The following CDC25C variants were observed in gnomAD, a reference collection of about 807,000 sequenced individuals.
The protein encoded by CDC25C is M-phase inducer phosphatase 3.
In CDC25C, 48 loss-of-function variants were observed where a neutral mutation model predicts 52.5. The observed-to-expected ratio is 0.91, with a 90% CI of 0.72 to 1.16. The LOEUF (loss-of-function observed/expected upper bound fraction) is 1.16. Ranked by LOEUF, CDC25C falls within the 50% of genes most tolerant of loss-of-function variation. The probability of loss-of-function intolerance (pLI) is 0.00; values close to 1 mark genes in which losing one functional copy is unlikely to be tolerated. For missense variants in CDC25C, 510 were observed against 566.1 expected, an observed-to-expected ratio of 0.90 and a Z score of 1.01; for synonymous variants, 187 against 206.5, an observed-to-expected ratio of 0.91 and a Z score of 0.81.
Position 138,314,925 on chromosome 5 carries a change from C to CT in CDC25C, c.615+4293dup, listed in dbSNP as rs35443317. ...CCTGACTCACCATGCCCAGCCAGCA[C>CT]TTTTTTTTTTTTTTTTTTTTGAGTT... On this transcript the variant is annotated intron_variant, in intron 7 of 13. Transcript: ENST00000323760. Among the ~76,000 whole-genome samples the CT allele has an allele frequency of 9.2e-3, 837 of 90,812 alleles. 22 individuals are homozygous for CT. The highest frequency in any genetic ancestry group is 0.028 in the African/African-American group (662 of 23,648). 59.6% of individuals were successfully genotyped at this position (90,812 alleles called of 152,430 possible). A position where few individuals can be genotyped will look rare whatever the true frequency, so the allele number is the denominator to read the frequency against.
intron 11 of CDC25C, 147 bp downstream of exon 11, chr5:138,287,022 A>C (rs1255620915): frequency 1.7e-6 from 1 of 584,960 alleles, no homozygotes; most frequent in Non-Finnish European, 3.0e-6. Flanking sequence ...TACAGAATTA[A>C]AACAATGAGG....
At chr5:138,327,246 T>C (rs1414388484) in intron 4 of CDC25C, among the ~76,000 whole-genome samples, 1 of 145,476 alleles carries the variant, frequency 6.9e-6, no homozygotes, top group Non-Finnish European at 1.5e-5. Flanking sequence ...AGAGCGAGAC[T>C]CCATCTCAAA....
At position 138,331,043 on chromosome 5, in the gene CDC25C, A is replaced by G; in HGVS notation, c.138T>C (p.Pro46=). The stretch of plus-strand genomic sequence containing the variant: ...CAAGAAATTTGCCCACTGGAGTTCT[A>G]GGGACATCTGGACAGACGGTAAAGG... ...DTSFTVCPDV[P]RTPVGKFLGD... is the part of the protein sequence containing the mutation. The change falls in exon 2 of 14, where the codon CCT becomes CCC. Residue 46 remains proline, a synonymous_variant. Coordinates refer to ENST00000323760, the MANE Select transcript of CDC25C (RefSeq NM_001790.5). 3.7e-6 allele frequency: 6 copies of G among 1,614,184 alleles called. No individual in the cohort carries two copies. The highest frequency in any genetic ancestry group is 5.1e-6 in the Non-Finnish European group (6 of 1,179,998).
intron 7 of CDC25C, among the ~76,000 whole-genome samples, chr5:138,303,863 A>G (rs1235511864): frequency 6.6e-6 from 1 of 152,166 alleles, no homozygotes; most frequent in Non-Finnish European, 1.5e-5. Flanking sequence ...ATTAGTGAAT[A>G]AATGAATGAA....
intron 1 of CDC25C, chr5:138,337,916 C>T (rs1256105866): frequency 3.9e-6 from 5 of 1,268,808 alleles, no homozygotes; most frequent in Non-Finnish European, 5.1e-6. Flanking sequence ...GCAGTTGGGC[C>T]GTTGGAGGGA....
chr5:138,307,019 T>C (rs1758058481), intron 7 of CDC25C, among the ~76,000 whole-genome samples: 1 of 150,262 alleles, frequency 6.7e-6, no homozygotes, highest in African/African-American at 2.5e-5. Flanking sequence ...AATTTTTGTA[T>C]TTTTAGTAGA....
chr5:138,338,192 C>T (rs769229044), exon 1 of CDC25C: 62 of 1,285,270 alleles, frequency 4.8e-5, no homozygotes, highest in Non-Finnish European at 6.1e-5. Context: ...CGGAGCTGTC[C>T]CCCTACTCTC....
chr5:138,298,664 C>T (rs192400884), intron 7 of CDC25C, among the ~76,000 whole-genome samples: 2 of 151,068 alleles, frequency 1.3e-5, no homozygotes, highest in Admixed American at 1.3e-4. Flanking sequence ...GCAGGAGAAT[C>T]GCTTGAACCT....
At chr5:138,330,095 C>T (rs1760235643) in intron 2 of CDC25C, among the ~76,000 whole-genome samples, 1 of 152,170 alleles carries the variant, frequency 6.6e-6, no homozygotes, top group Admixed American at 6.5e-5. Context: ...CCAAATAAAT[C>T]TAATTGCTTT....
At chr5:138,314,603 CTTTTTTT>C (rs907033621) in intron 7 of CDC25C, among the ~76,000 whole-genome samples, 6 of 114,714 alleles carry the variant, frequency 5.2e-5, no homozygotes, top group Non-Finnish European at 7.2e-5. Context: ...GCCTATAGCA[CTTTTTTT>C]TTTTTTTTTT....
chr5:138,302,158 C>T (rs1035562705), intron 7 of CDC25C, among the ~76,000 whole-genome samples: 1 of 150,980 alleles, frequency 6.6e-6, no homozygotes, highest in Non-Finnish European at 1.5e-5. Flanking sequence ...CCATGCCCGG[C>T]TAGTTTTTGT....
chr5:138,300,703 C>G lies in CDC25C; in HGVS notation c.616-8587G>C, dbSNP rs138445649. Among the ~76,000 whole-genome samples, 455 of 152,240 alleles carry G rather than the reference C, an allele frequency of 3.0e-3. 6 individuals carry two copies. Among genetic ancestry groups the G allele is most frequent in the Middle Eastern group, 0.014 (4 of 294 alleles). On this transcript the variant is annotated intron_variant, in intron 7 of 13. Coordinates refer to ENST00000323760, the MANE Select transcript of CDC25C (RefSeq NM_001790.5). Reference sequence around the variant, plus strand: ...GAGACTATACATTTTCTAAGTTGCACTAAACATTTACCAAGATGTTCTGAG... The same window carrying G: ...GAGACTATACATTTTCTAAGTTGCAGTAAACATTTACCAAGATGTTCTGAG...
intron 6 of CDC25C, among the ~76,000 whole-genome samples, chr5:138,321,606 G>T (rs1759393650): frequency 6.6e-6 from 1 of 151,798 alleles, no homozygotes; most frequent in African/African-American, 2.4e-5. Context: ...CAAAAAATTA[G>T]CTGGGTGTGG....
rs766321320 is a variant in CDC25C at position 138,287,311 on chromosome 5, G to A, written c.928-44C>T. The stretch of plus-strand genomic sequence containing the variant: ...TGAATATTCTGCTCACTGCCACTCT[G>A]AGGGAGAGAAGGGTCAATGACACAG... On this transcript the variant is annotated intron_variant, in intron 10 of 13. Transcript: ENST00000323760. 31 of 1,381,458 alleles carry A rather than the reference G, an allele frequency of 2.2e-5. No individual in the cohort carries two copies. In the Middle Eastern group the frequency reaches 7.1e-4, roughly 32 times the overall value. 85.6% of individuals were successfully genotyped at this position (1,381,458 alleles called of 1,614,324 possible).
chr5:138,334,373 T>C (rs915090585), upstream of CDC25C, among the ~76,000 whole-genome samples: 1 of 152,160 alleles, frequency 6.6e-6, no homozygotes, highest in African/African-American at 2.4e-5. Context: ...AAAAACTTTT[T>C]TTTTTTGAGA....
chr5:138,332,079 T>C, upstream of CDC25C: 1 of 175,316 alleles, frequency 5.7e-6, no homozygotes, highest in Non-Finnish European at 1.1e-5. Context: ...CATCATTGGC[T>C]CTCCCTCTCA....
intron 6 of CDC25C, among the ~76,000 whole-genome samples, chr5:138,321,603 T>C (rs751184187): frequency 2.0e-5 from 3 of 151,472 alleles, no homozygotes; most frequent in Non-Finnish European, 4.4e-5. Context: ...ATACAAAAAA[T>C]TAGCTGGGTG....
At position 138,300,031 on chromosome 5, in the gene CDC25C, CAA is replaced by C. The variant is rs546698578; in HGVS notation, c.616-7917_616-7916del. Among the ~76,000 whole-genome samples the C allele has an allele frequency of 2.1e-3, 324 of 152,254 alleles. 2 individuals carry two copies. Among genetic ancestry groups the C allele is most frequent in the African/African-American group, 6.8e-3 (282 of 41,538 alleles). ...TTAGATGAAATGGACTAATTCCTAACAAGACAAAAACTACTGAAACTAGCCAG... is the reference window on the plus strand; with the variant it reads ...TTAGATGAAATGGACTAATTCCTAACGACAAAAACTACTGAAACTAGCCAG... On this transcript the variant is annotated intron_variant, in intron 7 of 13. Transcript: ENST00000323760.
upstream of CDC25C, among the ~76,000 whole-genome samples, chr5:138,334,900 G>A (rs1307502713): frequency 6.6e-6 from 1 of 152,230 alleles, no homozygotes. Flanking sequence ...CCAGAAGAAA[G>A]AATATTAGGG....
Sources: allele counts gnomAD v4.1 joint callset (sites outside exome capture counted in the v4.1 genomes callset), GRCh38; gene constraint gnomAD v4.1.1; transcripts MANE v1.5; gene names NCBI Gene and HGNC (gene_info 2026-07-23, HGNC 2026-07-21).